The following TTC28 variants were observed in gnomAD, a reference collection of about 807,000 sequenced individuals.
The protein encoded by TTC28 is tetratricopeptide repeat domain 28, also known as tetratricopeptide repeat protein 28.
A neutral mutation model predicts 198.0 loss-of-function variants in TTC28; 61 were observed. The observed-to-expected ratio is 0.31, with a 90% CI of 0.25 to 0.38. The LOEUF is 0.38. TTC28 is among the 10% of genes least tolerant of loss of function. The pLI, the probability that TTC28 is intolerant of heterozygous loss-of-function variation, is 1.00. For missense variants in TTC28, 2,678 were observed against 3,164.0 expected (o/e 0.85, Z 3.69); for synonymous variants, 1,171 against 1,297.8 (o/e 0.90, Z 2.10).
chr22:28,012,787 C>T (rs1414207218), intron 14 of TTC28, among the ~76,000 whole-genome samples: 1 of 152,206 alleles, frequency 6.6e-6, no homozygotes, highest in African/African-American at 2.4e-5. Flanking sequence ...GCTGGGATTA[C>T]AGTCAAGAGC....
At chr22:28,600,042 G>T (rs1411834188) in intron 2 of TTC28, among the ~76,000 whole-genome samples, 1 of 152,136 alleles carries the variant, frequency 6.6e-6, no homozygotes, top group Non-Finnish European at 1.5e-5. Context: ...GCTTACAACT[G>T]CCATAGAACC....
chr22:28,650,428 C>A (rs1332246922), intron 1 of TTC28, among the ~76,000 whole-genome samples: 1 of 152,144 alleles, frequency 6.6e-6, no homozygotes, highest in Non-Finnish European at 1.5e-5. Context: ...TCCAGACCAC[C>A]CAGTTTTCCA....
intron 2 of TTC28, among the ~76,000 whole-genome samples, chr22:28,520,620 T>C (rs1192941278): frequency 6.6e-6 from 1 of 152,164 alleles, no homozygotes; most frequent in Non-Finnish European, 1.5e-5. Context: ...CAGCCAGGCA[T>C]GGTGGCATGT....
At position 28,647,231 on chromosome 22, in the gene TTC28, A is replaced by T. The variant is rs2051484346; in HGVS notation, c.103-17401T>A. On this transcript the variant is annotated intron_variant, in intron 1 of 22. Transcript: ENST00000397906. ...CTGTCTTTCACCATATACAGAAATC[A>T]ACTTGGGATGGATTAAGGACTTAAA... is the stretch of plus-strand genomic sequence containing the variant. Among the ~76,000 whole-genome samples the T allele has an allele frequency of 2.0e-5, 3 of 152,224 alleles. No individual in the cohort carries two copies. In the South Asian group the frequency reaches 6.2e-4, roughly 32 times the overall value.
intron 2 of TTC28, among the ~76,000 whole-genome samples, chr22:28,542,923 C>T (rs531813701): frequency 6.6e-6 from 1 of 152,188 alleles, no homozygotes; most frequent in African/African-American, 2.4e-5. Flanking sequence ...TAAACAAAAT[C>T]AAAACGAATT....
At chr22:28,568,435 A>G (rs555005588) in intron 2 of TTC28, among the ~76,000 whole-genome samples, 1 of 152,308 alleles carries the variant, frequency 6.6e-6, no homozygotes, top group South Asian at 2.1e-4. Flanking sequence ...CTCTTCACAG[A>G]TGATATGATG....
chr22:28,010,527 C>T (rs1040930509), intron 14 of TTC28, among the ~76,000 whole-genome samples: 1 of 152,200 alleles, frequency 6.6e-6, no homozygotes, highest in Non-Finnish European at 1.5e-5. Flanking sequence ...TCTTCCTGGC[C>T]TCCACCAAGC....
intron 2 of TTC28, among the ~76,000 whole-genome samples, chr22:28,428,983 T>C (rs2047395017): frequency 6.6e-6 from 1 of 152,178 alleles, no homozygotes; most frequent in Admixed American, 6.5e-5. Flanking sequence ...TAAATTAAAT[T>C]CAGTAAACAT....
At chr22:28,338,937 G>A (rs1281618770) in intron 2 of TTC28, among the ~76,000 whole-genome samples, 1 of 152,152 alleles carries the variant, frequency 6.6e-6, no homozygotes, top group Non-Finnish European at 1.5e-5. Context: ...TCCTTTGGAG[G>A]AGGAGAGGCG....
chr22:28,316,773 T>C (rs540212599), intron 2 of TTC28, among the ~76,000 whole-genome samples: 1 of 152,330 alleles, frequency 6.6e-6, no homozygotes, highest in East Asian at 1.9e-4. Flanking sequence ...TTGCATGCTA[T>C]TAATTTTTTT....
chr22:28,117,597 G>C (rs980433888), intron 6 of TTC28, among the ~76,000 whole-genome samples: 8 of 152,300 alleles, frequency 5.3e-5, no homozygotes, highest in African/African-American at 1.9e-4. Flanking sequence ...ACAGAATTGT[G>C]GGTTATCATG....
At chr22:28,525,389 A>C (rs1224913271) in intron 2 of TTC28, among the ~76,000 whole-genome samples, 1 of 152,142 alleles carries the variant, frequency 6.6e-6, no homozygotes, top group Non-Finnish European at 1.5e-5. Flanking sequence ...CCTGAGCTCA[A>C]ATGGATCCCT....
intron 5 of TTC28, among the ~76,000 whole-genome samples, chr22:28,252,080 A>G (rs1392074236): frequency 6.6e-6 from 1 of 152,226 alleles, no homozygotes; most frequent in Non-Finnish European, 1.5e-5. Flanking sequence ...ACATGGTAAC[A>G]TGCTATAACT....
intron 2 of TTC28, among the ~76,000 whole-genome samples, chr22:28,607,036 C>T (rs1444713739): frequency 6.6e-6 from 1 of 152,126 alleles, no homozygotes; most frequent in African/African-American, 2.4e-5. Context: ...CTCCTTAAAC[C>T]TGATGGAAAG....
chr22:28,387,193 A>G (rs1482927152), intron 2 of TTC28, among the ~76,000 whole-genome samples: 1 of 152,212 alleles, frequency 6.6e-6, no homozygotes, highest in Non-Finnish European at 1.5e-5. Context: ...TTATGGCTGC[A>G]TAGTATTCCA....
intron 12 of TTC28, among the ~76,000 whole-genome samples, chr22:28,056,934 A>G (rs1940314701): frequency 9.9e-5 from 15 of 152,034 alleles, no homozygotes; most frequent in Admixed American, 9.8e-4. Context: ...TTAACAAAGT[A>G]TTTTTCGGAT....
intron 5 of TTC28, among the ~76,000 whole-genome samples, chr22:28,164,365 C>T (rs1386532474): frequency 6.6e-6 from 1 of 152,188 alleles, no homozygotes; most frequent in African/African-American, 2.4e-5. Flanking sequence ...GTCTCTGAAC[C>T]CCGAGTAGCC....
At chr22:28,663,501 G>A (rs1469513771) in intron 1 of TTC28, among the ~76,000 whole-genome samples, 1 of 141,866 alleles carries the variant, frequency 7.0e-6, no homozygotes, top group African/African-American at 2.6e-5. Flanking sequence ...CAAGGGGTCA[G>A]GGAGTTCCCT....
chr22:28,439,836 G>GTA (rs1335629187), intron 2 of TTC28, among the ~76,000 whole-genome samples: 4 of 151,852 alleles, frequency 2.6e-5, no homozygotes, highest in African/African-American at 9.7e-5. Flanking sequence ...ATAAAAAGCT[G>GTA]TACACTTTTT....
Sources: gnomAD v4.1 joint callset for allele counts (sites outside exome capture counted in the v4.1 genomes callset) on GRCh38, gnomAD v4.1.1 for gene constraint, MANE v1.5 for transcripts, NCBI Gene and HGNC (gene_info 2026-07-23, HGNC 2026-07-21) for gene names.